LRRTM4: variants seen among roughly 807,000 people sequenced by gnomAD.
LRRTM4 encodes leucine rich repeat transmembrane neuronal 4.
A neutral mutation model predicts 47.6 loss-of-function variants in LRRTM4; 25 were observed. The ratio of observed to expected loss-of-function variants is 0.53; its 90% confidence interval spans 0.38 to 0.73. LRRTM4 has a LOEUF of 0.73. Among genes scored for constraint, LRRTM4 ranks in the 30% least tolerant of loss-of-function variants. The pLI, the probability that LRRTM4 is intolerant of heterozygous loss-of-function variation, is 0.00. For synonymous variants in LRRTM4, 311 were observed against 269.5 expected, an observed-to-expected ratio of 1.15 and a Z score of -1.51; for missense variants, 638 against 713.4, an observed-to-expected ratio of 0.89 and a Z score of 1.20.
intron 3 of LRRTM4, among the ~76,000 whole-genome samples, chr2:77,240,280 G>T (rs1675220874): frequency 6.6e-6 from 1 of 151,900 alleles, no homozygotes; most frequent in Non-Finnish European, 1.5e-5. Context: ...TGCAATCAAT[G>T]TGATAGAGTA....
chr2:77,098,292 T>C (rs1423839176), intron 3 of LRRTM4, among the ~76,000 whole-genome samples: 1 of 151,966 alleles, frequency 6.6e-6, no homozygotes, highest in Non-Finnish European at 1.5e-5. Flanking sequence ...ACATGTGGTA[T>C]TGACATAAAT....
intron 3 of LRRTM4, among the ~76,000 whole-genome samples, chr2:77,159,989 C>T (rs1435765876): frequency 1.3e-5 from 2 of 151,790 alleles, no homozygotes; most frequent in Non-Finnish European, 2.9e-5. Context: ...CCCTGTCTTA[C>T]ACTGGTTTGG....
At chr2:77,280,671 T>C (rs1417870886) in intron 3 of LRRTM4, among the ~76,000 whole-genome samples, 1 of 151,992 alleles carries the variant, frequency 6.6e-6, no homozygotes, top group Non-Finnish European at 1.5e-5. Context: ...TTTAACCTCA[T>C]TTTGCCTCAG....
At chr2:76,934,790 T>C (rs13417401) in intron 3 of LRRTM4, among the ~76,000 whole-genome samples, 42,756 of 152,008 alleles carry the variant, frequency 0.28, 7,669 homozygotes, top group African/African-American at 0.51. Context: ...TAAATCTTTG[T>C]TGAATGAATG....
chr2:77,282,266 A>G (rs540247569), intron 3 of LRRTM4, among the ~76,000 whole-genome samples: 7 of 151,862 alleles, frequency 4.6e-5, no homozygotes, highest in South Asian at 2.1e-4. Flanking sequence ...TAAAAATGCC[A>G]CTTATTTGTG....
chr2:77,035,007 T>C (rs1678785502), intron 3 of LRRTM4, among the ~76,000 whole-genome samples: 1 of 151,860 alleles, frequency 6.6e-6, no homozygotes. Flanking sequence ...ATTCTCCAAA[T>C]GTGATTAACT....
At chr2:76,906,948 A>G (rs1367562474) in intron 3 of LRRTM4, among the ~76,000 whole-genome samples, 2 of 152,062 alleles carry the variant, frequency 1.3e-5, no homozygotes, top group African/African-American at 4.8e-5. Context: ...TGAGACAGAA[A>G]GTTAACAAGG....
intron 3 of LRRTM4, among the ~76,000 whole-genome samples, chr2:76,829,263 G>A (rs1671268531): frequency 1.3e-5 from 2 of 151,918 alleles, no homozygotes; most frequent in African/African-American, 2.4e-5. Flanking sequence ...TTAGTTGAGG[G>A]TGTCCATACA....
chr2:76,773,294 C>G (rs1378895912), intron 3 of LRRTM4, among the ~76,000 whole-genome samples: 3 of 152,220 alleles, frequency 2.0e-5, no homozygotes, highest in African/African-American at 7.2e-5. Flanking sequence ...AGTAGTTTTT[C>G]ACTAGCTCAG....
intron 3 of LRRTM4, among the ~76,000 whole-genome samples, chr2:77,234,533 C>T (rs570425122): frequency 6.6e-5 from 10 of 152,222 alleles, no homozygotes; most frequent in African/African-American, 2.4e-4. Flanking sequence ...AATATATTTA[C>T]AAATATTGTA....
At chr2:77,354,073 C>A (rs2104301477) in intron 3 of LRRTM4, among the ~76,000 whole-genome samples, 1 of 152,258 alleles carries the variant, frequency 6.6e-6, no homozygotes, top group Non-Finnish European at 1.5e-5. Flanking sequence ...TCTACAATTT[C>A]TGGAAAAGGA....
intron 3 of LRRTM4, among the ~76,000 whole-genome samples, chr2:76,898,507 T>C (rs1673499742): frequency 7.8e-6 from 1 of 127,748 alleles, no homozygotes; most frequent in Non-Finnish European, 1.5e-5. Flanking sequence ...GAGCAGAGAA[T>C]GCACCAATGC....
chr2:77,386,247 G>A (rs1673267243), intron 3 of LRRTM4, among the ~76,000 whole-genome samples: 1 of 152,254 alleles, frequency 6.6e-6, no homozygotes, highest in Non-Finnish European at 1.5e-5. Flanking sequence ...AAGAGTGGCT[G>A]ATTTTATAAA....
chr2:76,911,742 G>A (rs187821202), intron 3 of LRRTM4, among the ~76,000 whole-genome samples: 2 of 152,178 alleles, frequency 1.3e-5, no homozygotes, highest in East Asian at 3.9e-4. Context: ...AATGGAATAG[G>A]CCAATCACTT....
chr2:77,251,256 T>TA (rs1204429372), intron 3 of LRRTM4, among the ~76,000 whole-genome samples: 2 of 145,890 alleles, frequency 1.4e-5, no homozygotes, highest in African/African-American at 5.1e-5. Context: ...TGTGTATATA[T>TA]ATATACACAC....
intron 3 of LRRTM4, among the ~76,000 whole-genome samples, chr2:77,382,857 A>C (rs1673116012): frequency 6.6e-6 from 1 of 152,108 alleles, no homozygotes. Context: ...CCGGTTGGTG[A>C]AGGACGAGCC....
chr2:76,851,764 T>G (rs1019643161), intron 3 of LRRTM4, among the ~76,000 whole-genome samples: 1 of 150,922 alleles, frequency 6.6e-6, no homozygotes, highest in Non-Finnish European at 1.5e-5. Flanking sequence ...CGTTTTTTTT[T>G]TTTTTTTTTT....
intron 3 of LRRTM4, among the ~76,000 whole-genome samples, chr2:77,346,133 G>A (rs1053784017): frequency 5.3e-5 from 8 of 151,926 alleles, no homozygotes; most frequent in Non-Finnish European, 1.2e-4. Flanking sequence ...GTATGATTCC[G>A]TTATATGGCA....
chr2:77,405,879 T>C (rs74948675), intron 3 of LRRTM4, among the ~76,000 whole-genome samples: 12 of 152,278 alleles, frequency 7.9e-5, no homozygotes, highest in Non-Finnish European at 1.6e-4. Flanking sequence ...TTTCAAAATT[T>C]CTATTTATCT....
Sources: gnomAD v4.1 joint callset for allele counts (sites outside exome capture counted in the v4.1 genomes callset) on GRCh38, gnomAD v4.1.1 for gene constraint, MANE v1.5 for transcripts, NCBI Gene and HGNC (gene_info 2026-07-23, HGNC 2026-07-21) for gene names.